KALRN: variants seen among roughly 807,000 people sequenced by gnomAD.
KALRN encodes the protein kalirin RhoGEF kinase.
KALRN carries 70 observed loss-of-function variants against 353.7 expected under a neutral mutation model. That is an observed-to-expected ratio of 0.20 (90% confidence interval 0.16 to 0.24). The LOEUF is 0.24. Among genes scored for constraint, KALRN ranks in the 10% least tolerant of loss-of-function variants. The pLI, the probability that KALRN is intolerant of heterozygous loss-of-function variation, is 1.00. For missense variants in KALRN, 2,791 were observed against 3,756.7 expected (o/e 0.74, Z 6.72); for synonymous variants, 1,391 against 1,434.8 (o/e 0.97, Z 0.69).
chr3:124,258,437 G>C (rs1024794593), intron 3 of KALRN, among the ~76,000 whole-genome samples: 1 of 152,050 alleles, frequency 6.6e-6, no homozygotes, highest in Non-Finnish European at 1.5e-5. Flanking sequence ...TTATTTCTTT[G>C]ACGTCATTCC....
intron 57 of KALRN, among the ~76,000 whole-genome samples, chr3:124,705,432 A>G (rs1420666655): frequency 6.6e-6 from 1 of 152,322 alleles, no homozygotes; most frequent in East Asian, 1.9e-4. Flanking sequence ...AGAATGATAA[A>G]TGACCTTCAA....
chr3:124,652,502 C>T (rs2083523136), intron 38 of KALRN, among the ~76,000 whole-genome samples: 2 of 152,196 alleles, frequency 1.3e-5, no homozygotes, highest in African/African-American at 4.8e-5. Context: ...ATGTCTTAGT[C>T]CTTTGTCAAG....
At chr3:124,703,875 G>A (rs11714527) in intron 57 of KALRN, among the ~76,000 whole-genome samples, 26,724 of 151,928 alleles carry the variant, frequency 0.18, 2,623 homozygotes, top group Middle Eastern at 0.27. Context: ...TCACTATGTT[G>A]CCCAGGCTGG....
At chr3:124,401,371 G>T (rs2090847306) in intron 13 of KALRN, among the ~76,000 whole-genome samples, 1 of 152,106 alleles carries the variant, frequency 6.6e-6, no homozygotes, top group Non-Finnish European at 1.5e-5. Flanking sequence ...CGAGTGTGGT[G>T]GTGAGCACCC....
chr3:124,479,716 A>ATT (rs142639039), intron 27 of KALRN, among the ~76,000 whole-genome samples: 35 of 86,770 alleles, frequency 4.0e-4, no homozygotes, highest in African/African-American at 1.2e-3. Context: ...ACGATCCAGA[A>ATT]TTTTTTTTTT....
intron 47 of KALRN, among the ~76,000 whole-genome samples, chr3:124,669,273 T>C (rs533445369): frequency 1.3e-5 from 2 of 152,340 alleles, no homozygotes; most frequent in East Asian, 3.9e-4. Context: ...AGGGCACTCA[T>C]TTATTTAATT....
chr3:124,229,380 G>A (rs1484387802), intron 2 of KALRN, among the ~76,000 whole-genome samples: 1 of 152,260 alleles, frequency 6.6e-6, no homozygotes, highest in Non-Finnish European at 1.5e-5. Flanking sequence ...TTCTGGTAGG[G>A]TCTGAGGCAG....
intron 1 of KALRN, among the ~76,000 whole-genome samples, chr3:124,202,091 G>A (rs2075991098): frequency 6.6e-6 from 1 of 152,226 alleles, no homozygotes; most frequent in African/African-American, 2.4e-5. Context: ...AGCAGCTTCA[G>A]AGCTAGCTCA....
At chr3:124,433,652 T>C in intron 16 of KALRN, among the ~76,000 whole-genome samples, 1 of 150,656 alleles carries the variant, frequency 6.6e-6, no homozygotes, top group African/African-American at 2.4e-5. Flanking sequence ...TATATGTATC[T>C]CCTCAAGGGA....
At chr3:124,578,918 G>A (rs752665450) in intron 34 of KALRN, among the ~76,000 whole-genome samples, 3 of 152,176 alleles carry the variant, frequency 2.0e-5, no homozygotes, top group African/African-American at 7.2e-5. Context: ...CCATGATCAC[G>A]GCTCACCAAG....
At chr3:124,319,811 G>C (rs56127971) in intron 6 of KALRN, among the ~76,000 whole-genome samples, 3 of 151,838 alleles carry the variant, frequency 2.0e-5, no homozygotes, top group African/African-American at 7.3e-5. Flanking sequence ...TGGCCAACAT[G>C]GCAAAACCCC....
intron 33 of KALRN, among the ~76,000 whole-genome samples, chr3:124,523,982 T>C (rs2067372280): frequency 6.6e-6 from 1 of 152,238 alleles, no homozygotes; most frequent in African/African-American, 2.4e-5. Context: ...TCTACTGCCA[T>C]TGGGACCATT....
chr3:124,623,399 TACACACACAC>T (rs372330681), intron 34 of KALRN, among the ~76,000 whole-genome samples: 8 of 136,444 alleles, frequency 5.9e-5, no homozygotes, highest in Admixed American at 3.8e-4. Context: ...TATTTATTTA[TACACACACAC>T]ACACACACAC....
intron 51 of KALRN, among the ~76,000 whole-genome samples, chr3:124,686,798 ATTTTTTTTTTTTTTTTTTTTTTT>A: frequency 1.4e-5 from 1 of 70,832 alleles, no homozygotes; most frequent in South Asian, 6.1e-4. Flanking sequence ...CACTGGTGAG[ATTTTTTTTTTTTTTTTTTTTTTT>A]TTTTTTTTTT....
intron 25 of KALRN, among the ~76,000 whole-genome samples, chr3:124,468,978 G>A (rs2060621936): frequency 6.6e-6 from 1 of 152,348 alleles, no homozygotes; most frequent in South Asian, 2.1e-4. Context: ...TCGTTTGGAT[G>A]TGTCAAAGTA....
At position 124,173,200 on chromosome 3, in the gene KALRN, A is replaced by G. The variant is rs576195930; in HGVS notation, c.74-54790A>G. On this transcript the variant is annotated intron_variant, in intron 1 of 59. Transcript: ENST00000682506. ...ATATGGAGAATGGGGTGGAATTGAGACATTAGGTCATTTTCTTTTCTATGC... is the reference window on the plus strand; with the variant it reads ...ATATGGAGAATGGGGTGGAATTGAGGCATTAGGTCATTTTCTTTTCTATGC... Among the ~76,000 whole-genome samples, 4 of 152,322 alleles carry G rather than the reference A, an allele frequency of 2.6e-5. No individual in the cohort carries two copies. The East Asian group carries it at 7.7e-4, about 29-fold the overall frequency.
At chr3:124,470,092 A>T (rs1237496069) in intron 25 of KALRN, among the ~76,000 whole-genome samples, 1 of 152,224 alleles carries the variant, frequency 6.6e-6, no homozygotes, top group African/African-American at 2.4e-5. Flanking sequence ...ACTGCATAAT[A>T]TATTAAATTA....
rs964466497 is a variant in KALRN at position 124,588,677 on chromosome 3, C to T, written c.5182+25588C>T. On this transcript the variant is annotated intron_variant, in intron 34 of 59. Transcript: ENST00000682506. ...CTGACCTCAAGTGATCCACTCCCCT[C>T]GGCCTCCCAAAGTACTGGGATTACA... Among the ~76,000 whole-genome samples the T allele has an allele frequency of 1.1e-4, 15 of 136,272 alleles. 1 individual carries two copies. The highest frequency in any genetic ancestry group is 4.0e-4 in the East Asian group (2 of 4,988). The allele number at this position is 136,272 out of a possible 152,430, so 89.4% of individuals were successfully genotyped here. A position where few individuals can be genotyped will look rare whatever the true frequency, so the allele number is the denominator to read the frequency against.
At chr3:124,342,032 G>A (rs538516918) in intron 9 of KALRN, among the ~76,000 whole-genome samples, 5 of 152,086 alleles carry the variant, frequency 3.3e-5, no homozygotes, top group South Asian at 4.2e-4. Context: ...GTTAAGAGGG[G>A]GTAGGGCCAG....
Sources: allele counts gnomAD v4.1 joint callset (sites outside exome capture counted in the v4.1 genomes callset), GRCh38; gene constraint gnomAD v4.1.1; transcripts MANE v1.5; gene names NCBI Gene and HGNC (gene_info 2026-07-23, HGNC 2026-07-21).